Variants in DNAI2 observed in about 807,000 individuals in gnomAD.
The protein encoded by DNAI2 is dynein axonemal intermediate chain 2.
A neutral mutation model predicts 74.7 loss-of-function variants in DNAI2; 63 were observed. The observed-to-expected ratio is 0.84, with a 90% CI of 0.69 to 1.04. The LOEUF is 1.04. Ranked by LOEUF, DNAI2 falls within the 50% of genes least tolerant of loss-of-function variation. The probability of loss-of-function intolerance (pLI) is 0.00; values close to 1 mark genes in which losing one functional copy is unlikely to be tolerated. For missense variants in DNAI2, 688 were observed against 803.2 expected (o/e 0.86, Z 1.73); for synonymous variants, 289 against 314.9 (o/e 0.92, Z 0.87).
chr17:74,312,308 G>A lies in DNAI2; in HGVS notation c.1722+78G>A, dbSNP rs1979371. On this transcript the variant is annotated intron_variant, in intron 12 of 13. Coordinates refer to ENST00000311014, the MANE Select transcript of DNAI2 (RefSeq NM_023036.6). The stretch of plus-strand genomic sequence containing the variant: ...CACTTGGGTTCTGCTTCTGCTTGCC[G>A]ACTTCCTGGGTGACCTTGAGCAAGT... 0.99 allele frequency: 609,526 copies of A among 618,804 alleles called. 300,814 individuals are homozygous for A. Among genetic ancestry groups the A allele is most frequent in the East Asian group, 1 (26,182 of 26,184 alleles). The allele number at this position is 618,804 out of a possible 1,614,324, so 38.3% of individuals were successfully genotyped here.
rs753622026 is a variant in DNAI2 at position 74,311,980 on chromosome 17, T to G, written c.1495-23T>G. ...CCATCCTGCCCTCTCCCCACCGGGC[T>G]CTCTCTGTCCCTGGGTGCCCAGATG... On this transcript the variant is annotated intron_variant, in intron 11 of 13. Coordinates refer to ENST00000311014, the MANE Select transcript of DNAI2 (RefSeq NM_023036.6). 46 of 1,609,794 alleles carry G rather than the reference T, an allele frequency of 2.9e-5. No homozygotes were observed. The Admixed American group carries it at 7.5e-4, about 26-fold the overall frequency.
chr17:74,311,177 A>C (rs1250108743), intron 11 of DNAI2, among the ~76,000 whole-genome samples: 1 of 152,202 alleles, frequency 6.6e-6, no homozygotes, highest in Non-Finnish European at 1.5e-5. Flanking sequence ...CCCAGCCTGA[A>C]GACTTAGTAG....
At chr17:74,314,297 A>T (rs1369469443) in intron 13 of DNAI2, 26 bp downstream of exon 13, 2 of 1,605,508 alleles carry the variant, frequency 1.2e-6, no homozygotes, top group Non-Finnish European at 1.7e-6. Flanking sequence ...CACAAGTGGG[A>T]GGCTGAGCTC....
chr17:74,308,797 C>T (rs2053331178), intron 9 of DNAI2, among the ~76,000 whole-genome samples: 1 of 152,046 alleles, frequency 6.6e-6, no homozygotes, highest in African/African-American at 2.4e-5. Context: ...GCTGGGATTA[C>T]AGGCACATGA....
intron 8 of DNAI2, 115 bp downstream of exon 8, chr17:74,301,283 GCCACC>G: frequency 6.6e-7 from 1 of 1,512,288 alleles, no homozygotes. Context: ...GCCCAGGGAG[GCCACC>G]CTCACTGCAG....
chr17:74,313,610 A>G (rs2053657394), intron 12 of DNAI2, among the ~76,000 whole-genome samples: 1 of 152,280 alleles, frequency 6.6e-6, no homozygotes, highest in South Asian at 2.1e-4. Context: ...TTCTACATGA[A>G]GAAGTTGAGC....
At position 74,314,815 on chromosome 17, in the gene DNAI2, T is replaced by C; in HGVS notation, c.*282T>C. 5.9e-6 allele frequency: 1 copy of C among 168,630 alleles called. No homozygotes were observed. The highest frequency in any genetic ancestry group is 1.3e-5 in the Non-Finnish European group (1 of 75,782). 10.4% of individuals were successfully genotyped at this position (168,630 alleles called of 1,614,324 possible). A position where few individuals can be genotyped will look rare whatever the true frequency, so the allele number is the denominator to read the frequency against. ...AGGGGACGGGCGGGACGAGCTTGGC[T>C]GTTCTGCTGCACCTGAATGCTTTCT... On this transcript the variant is annotated 3_prime_UTR_variant, in exon 14 of 14. Transcript: ENST00000311014.
chr17:74,314,376 C>G (rs2053707382), intron 13 of DNAI2, 105 bp downstream of exon 13: 11 of 1,415,292 alleles, frequency 7.8e-6, no homozygotes, highest in Admixed American at 1.7e-5. Context: ...CTACAAATCA[C>G]TAGCCCCCAC....
intron 8 of DNAI2, among the ~76,000 whole-genome samples, chr17:74,303,046 A>G (rs559856153): frequency 1.4e-4 from 22 of 152,312 alleles, no homozygotes; most frequent in Non-Finnish European, 2.2e-4. Context: ...CATCTCCTCC[A>G]TGCCTGGCCC....
chr17:74,296,901 A>T (rs1349018106), intron 6 of DNAI2, among the ~76,000 whole-genome samples: 1 of 152,130 alleles, frequency 6.6e-6, no homozygotes, highest in East Asian at 1.9e-4. Flanking sequence ...TCTTACCAAG[A>T]TTCTGCTGTT....
rs977293315 is a variant in DNAI2, at chr17:74,284,958, C to G, written c.184-82C>G. On this transcript the variant is annotated intron_variant, in intron 2 of 13. Transcript: ENST00000311014. ...CTCAGCATCCAGCCCTGGGAGCCCC[C>G]GTGGGACCTGGCTTGCAGAAGTGGC... The G allele has an allele frequency of 1.5e-5, 24 of 1,589,308 alleles. No individual in the cohort carries two copies. The African/African-American group carries it at 2.8e-4, about 19-fold the overall frequency.
intron 9 of DNAI2, among the ~76,000 whole-genome samples, chr17:74,306,150 C>T (rs931911515): frequency 1.1e-4 from 17 of 152,226 alleles, no homozygotes; most frequent in Admixed American, 3.3e-4. Context: ...CTGGGAAATG[C>T]GGGTGCCTTG....
At chr17:74,305,537 G>A (rs2053139499) in intron 9 of DNAI2, 95 bp downstream of exon 9, 2 of 1,145,740 alleles carry the variant, frequency 1.7e-6, no homozygotes, top group African/African-American at 1.6e-5. Context: ...GCCTCCATAT[G>A]TAAAATGGAG....
At chr17:74,309,447 GGT>G in intron 10 of DNAI2, 59 bp downstream of exon 10, 1 of 1,611,690 alleles carries the variant, frequency 6.2e-7, no homozygotes, top group Non-Finnish European at 8.5e-7. Flanking sequence ...TCCCGGCGTG[GGT>G]GTGAGTGTGG....
At position 74,281,937 on chromosome 17, in the gene DNAI2, G is replaced by A; in HGVS notation, c.120G>A (p.Gln40=). ...TGCCCAACCCTGAGCTGGCCGAGCA[G>A]TTCGTGGAGCGGAACCCAGTGGACA... The part of the protein sequence containing the change: ...DIMPNPELAE[Q]FVERNPVDTG... The change falls in exon 2 of 14, where the codon CAG becomes CAA. Residue 40 remains glutamine (Q), a synonymous_variant. Transcript: ENST00000311014. 3 of 1,614,206 alleles carry A rather than the reference G, an allele frequency of 1.9e-6. No homozygotes were observed. Among genetic ancestry groups the A allele is most frequent in the Non-Finnish European group, 2.5e-6 (3 of 1,180,044 alleles).
chr17:74,307,747 C>T (rs1002528156), intron 9 of DNAI2, among the ~76,000 whole-genome samples: 5 of 151,572 alleles, frequency 3.3e-5, no homozygotes. Flanking sequence ...ATGTCCCATG[C>T]AATATTTGGT....
intron 8 of DNAI2, among the ~76,000 whole-genome samples, chr17:74,304,161 CTTTTCTTTTTTCT>C (rs1344347441): frequency 9.8e-4 from 96 of 97,842 alleles, no homozygotes; most frequent in South Asian, 2.2e-3. Context: ...TTTTTCTTTT[CTTTTCTTTTTTCT>C]TTTTCTTTTT....
At chr17:74,296,339 AGAGAGAGGAGAG>A (rs1245208688) in intron 6 of DNAI2, among the ~76,000 whole-genome samples, 5 of 119,304 alleles carry the variant, frequency 4.2e-5, no homozygotes, top group Non-Finnish European at 9.9e-5. Flanking sequence ...GAGAGGAGAG[AGAGAGAGGAGAG>A]AGAGAGGAAG....
intron 2 of DNAI2, among the ~76,000 whole-genome samples, chr17:74,283,640 A>C (rs914857173): frequency 1.3e-5 from 2 of 151,950 alleles, no homozygotes; most frequent in African/African-American, 2.4e-5. Context: ...TAAATAAATA[A>C]TTTTTAAAAA....
Sources: allele counts gnomAD v4.1 joint callset (sites outside exome capture counted in the v4.1 genomes callset), GRCh38; gene constraint gnomAD v4.1.1; transcripts MANE v1.5; gene names NCBI Gene and HGNC (gene_info 2026-07-23, HGNC 2026-07-21).